CSMD2: variants seen among roughly 807,000 people sequenced by gnomAD.
The protein encoded by CSMD2 is CUB and Sushi multiple domains 2.
Under a neutral mutation model 398.5 loss-of-function variants are expected in CSMD2, and 130 were observed. That is an observed-to-expected ratio of 0.33 (90% CI 0.28 to 0.38). The LOEUF is 0.38. Ranked by LOEUF, CSMD2 falls within the 10% of genes least tolerant of loss-of-function variation. CSMD2 has a pLI of 1.00. For missense variants in CSMD2, 3,829 were observed against 4,764.9 expected (o/e 0.80, Z 5.78); for synonymous variants, 1,828 against 1,908.5 (o/e 0.96, Z 1.10).
intron 56 of CSMD2, 38 bp downstream of exon 56, chr1:33,550,139 T>C (rs376143227): frequency 1.0e-5 from 16 of 1,595,420 alleles, no homozygotes; most frequent in Non-Finnish European, 1.3e-5. Flanking sequence ...CAGTCAAGCA[T>C]TCCACTGGAG....
Position 33,931,310 on chromosome 1 carries a change from G to A in CSMD2, c.712+4450C>T, listed in dbSNP as rs954500268. 2.0e-5 allele frequency among the ~76,000 whole-genome samples: 3 copies of A among 152,220 alleles called. No homozygotes were observed. In the South Asian group the frequency reaches 6.2e-4, roughly 31 times the overall value. Reference sequence around the variant, plus strand: ...CACTCTGGCATGACCACCACTCCTGGCACAGGATGGGTGTATGGTGGGTAC... The same window carrying A: ...CACTCTGGCATGACCACCACTCCTGACACAGGATGGGTGTATGGTGGGTAC... On this transcript the variant is annotated intron_variant, in intron 4 of 70. Transcript: ENST00000373381.
chr1:33,604,411 G>C (rs1440608122), intron 42 of CSMD2, among the ~76,000 whole-genome samples: 3 of 152,298 alleles, frequency 2.0e-5, no homozygotes, highest in African/African-American at 7.2e-5. Flanking sequence ...GTTAAACTGA[G>C]AGTTTGAGTC....
rs78184306 is a variant in CSMD2, at chr1:34,137,103, C to G, written c.187+27808G>C. 9.7e-3 allele frequency among the ~76,000 whole-genome samples: 1,481 copies of G among 152,150 alleles called. 22 individuals carry two copies. The highest frequency in any genetic ancestry group is 0.034 in the African/African-American group (1,423 of 41,494). ...CCACTTATTCATTGATCCCAAATAC[C>G]CATCAATGCTCTCTAGCAATCCATC... On this transcript the variant is annotated intron_variant, in intron 1 of 70. Coordinates refer to ENST00000373381, the MANE Select transcript of CSMD2 (RefSeq NM_001281956.2).
chr1:34,133,151 C>T (rs1214207334), intron 1 of CSMD2, among the ~76,000 whole-genome samples: 2 of 152,144 alleles, frequency 1.3e-5, no homozygotes, highest in Non-Finnish European at 2.9e-5. Context: ...CTATTACCAC[C>T]TCTCTCCCTC....
chr1:33,734,976 C>G (rs1189238220), intron 15 of CSMD2, among the ~76,000 whole-genome samples: 1 of 152,062 alleles, frequency 6.6e-6, no homozygotes, highest in East Asian at 1.9e-4. Context: ...TTGTTTCATG[C>G]TGTCAATTTC....
At chr1:33,574,075 G>A (rs921053543) in intron 49 of CSMD2, among the ~76,000 whole-genome samples, 2 of 152,174 alleles carry the variant, frequency 1.3e-5, no homozygotes, top group African/African-American at 4.8e-5. Context: ...AAACATGTGT[G>A]AGGGCAAAAA....
intron 57 of CSMD2, among the ~76,000 whole-genome samples, chr1:33,545,552 A>G (rs2641964): frequency 0.8 from 121,162 of 152,150 alleles, 49,062 homozygotes; most frequent in African/African-American, 0.94. Context: ...GAAAGGGAGC[A>G]TTCTAAGGTA....
intron 40 of CSMD2, among the ~76,000 whole-genome samples, chr1:33,611,894 T>C (rs758454148): frequency 2.6e-5 from 4 of 152,220 alleles, no homozygotes; most frequent in Non-Finnish European, 5.9e-5. Flanking sequence ...ACTGATAAGA[T>C]TTTTCAAAAT....
chr1:33,912,204 A>C (rs1402263977), intron 5 of CSMD2, among the ~76,000 whole-genome samples: 2 of 152,166 alleles, frequency 1.3e-5, no homozygotes, highest in East Asian at 3.9e-4. Context: ...GGGCAGGCAG[A>C]GCCCATCCAG....
intron 44 of CSMD2, among the ~76,000 whole-genome samples, chr1:33,595,804 C>T (rs1197831947): frequency 6.6e-6 from 1 of 152,174 alleles, no homozygotes; most frequent in Non-Finnish European, 1.5e-5. Context: ...TTCAAGGAGC[C>T]CTGGTCCATT....
intron 2 of CSMD2, among the ~76,000 whole-genome samples, chr1:34,081,217 G>GGTC (rs1203533653): frequency 6.6e-6 from 1 of 151,818 alleles, no homozygotes; most frequent in Non-Finnish European, 1.5e-5. Context: ...AAGACCCAAG[G>GGTC]GTCCCCACCA....
chr1:33,541,076 C>T, intron 59 of CSMD2, 54 bp downstream of exon 59: 1 of 1,570,982 alleles, frequency 6.4e-7, no homozygotes, highest in Non-Finnish European at 8.7e-7. Context: ...GGGCCTACAT[C>T]TCACTTTTGT....
chr1:33,688,024 G>A (rs1645112457), intron 25 of CSMD2, among the ~76,000 whole-genome samples: 3 of 152,158 alleles, frequency 2.0e-5, no homozygotes, highest in Non-Finnish European at 4.4e-5. Flanking sequence ...TGGTAGACTT[G>A]TAAATTGCTA....
At chr1:33,551,341 A>T (rs1324513618) in intron 55 of CSMD2, among the ~76,000 whole-genome samples, 1 of 152,228 alleles carries the variant, frequency 6.6e-6, no homozygotes, top group Non-Finnish European at 1.5e-5. Context: ...GAGTTATATG[A>T]TCGGATTTAC....
intron 23 of CSMD2, among the ~76,000 whole-genome samples, chr1:33,700,010 A>AC (rs1553177777): frequency 2.7e-5 from 4 of 148,390 alleles, no homozygotes; most frequent in Admixed American, 2.7e-4. Context: ...ACTTTACTCC[A>AC]TTTTTTTTTT....
chr1:33,695,693 T>A (rs924537798), intron 24 of CSMD2, among the ~76,000 whole-genome samples: 2 of 152,240 alleles, frequency 1.3e-5, no homozygotes, highest in Non-Finnish European at 2.9e-5. Flanking sequence ...CTTTATCAAA[T>A]GCAAACAAGT....
At chr1:33,729,995 T>C (rs532493311) in intron 15 of CSMD2, among the ~76,000 whole-genome samples, 3 of 152,300 alleles carry the variant, frequency 2.0e-5, no homozygotes, top group East Asian at 3.9e-4. Flanking sequence ...AAATGACATA[T>C]ATGTACAAGG....
intron 64 of CSMD2, among the ~76,000 whole-genome samples, chr1:33,527,599 G>C (rs1654887689): frequency 6.6e-6 from 1 of 152,122 alleles, no homozygotes; most frequent in African/African-American, 2.4e-5. Flanking sequence ...CCATAATCTT[G>C]AAGTAGTCAG....
intron 40 of CSMD2, among the ~76,000 whole-genome samples, 190 bp downstream of exon 40, chr1:33,614,312 CTA>C (rs1442457537): frequency 6.6e-6 from 1 of 152,130 alleles, no homozygotes; most frequent in East Asian, 1.9e-4. Flanking sequence ...TTTCTCCCCC[CTA>C]TATGTTAATC....
Sources: allele counts gnomAD v4.1 joint callset (sites outside exome capture counted in the v4.1 genomes callset), GRCh38; gene constraint gnomAD v4.1.1; transcripts MANE v1.5; gene names NCBI Gene and HGNC (gene_info 2026-07-23, HGNC 2026-07-21).